The following NPAS3 variants were observed in gnomAD, a reference collection of about 807,000 sequenced individuals.
NPAS3 encodes neuronal PAS domain-containing protein 3.
Under a neutral mutation model 73.1 loss-of-function variants are expected in NPAS3, and 14 were observed. That is an observed-to-expected ratio of 0.19 (90% confidence interval 0.13 to 0.30). The LOEUF (loss-of-function observed/expected upper bound fraction) is 0.30, where lower values mean the gene tolerates loss of function less well. NPAS3 is among the 10% of genes least tolerant of loss of function. The probability of loss-of-function intolerance (pLI) is 1.00; values close to 1 mark genes in which losing one functional copy is unlikely to be tolerated. For synonymous variants in NPAS3, 620 were observed against 541.5 expected (o/e 1.14, Z -2.01); for missense variants, 1,096 against 1,250.0 (o/e 0.88, Z 1.86).
intron 6 of NPAS3, among the ~76,000 whole-genome samples, chr14:33,703,349 T>C (rs2060572994): frequency 6.6e-6 from 1 of 152,044 alleles, no homozygotes; most frequent in Non-Finnish European, 1.5e-5. Flanking sequence ...AAAACATTTT[T>C]CAGGCTTAGT....
chr14:33,295,001 C>T (rs1450579242), intron 3 of NPAS3, among the ~76,000 whole-genome samples: 4 of 152,124 alleles, frequency 2.6e-5, no homozygotes, highest in African/African-American at 9.7e-5. Flanking sequence ...TGGAGAGTGA[C>T]TTTTTAGGAC....
intron 4 of NPAS3, among the ~76,000 whole-genome samples, chr14:33,558,806 C>T (rs1193360206): frequency 6.7e-6 from 1 of 150,126 alleles, no homozygotes; most frequent in Non-Finnish European, 1.5e-5. Context: ...TTTCATACAC[C>T]TTGCTCCTAG....
chr14:33,389,190 A>G (rs536083666), intron 4 of NPAS3, among the ~76,000 whole-genome samples: 1 of 152,360 alleles, frequency 6.6e-6, no homozygotes, highest in Admixed American at 6.5e-5. Flanking sequence ...GTAAACGATC[A>G]TTATTAAATC....
chr14:33,134,740 A>G (rs2209502), intron 2 of NPAS3, among the ~76,000 whole-genome samples: 144,626 of 152,232 alleles, frequency 0.95, 68,813 homozygotes, highest in Non-Finnish European at 0.98. Context: ...GCTGTGGTGT[A>G]TTGCTGGTAT....
At chr14:33,708,295 T>G (rs1302617645) in intron 6 of NPAS3, among the ~76,000 whole-genome samples, 1 of 152,178 alleles carries the variant, frequency 6.6e-6, no homozygotes, top group African/African-American at 2.4e-5. Context: ...TTTAGAATCC[T>G]TTGAAGAAGT....
intron 1 of NPAS3, among the ~76,000 whole-genome samples, chr14:33,022,795 A>G (rs1436812382): frequency 6.6e-6 from 1 of 152,116 alleles, no homozygotes; most frequent in Non-Finnish European, 1.5e-5. Flanking sequence ...AAAAGGATAA[A>G]TAATATATTT....
chr14:33,749,487 A>G (rs1229014999), intron 7 of NPAS3, among the ~76,000 whole-genome samples: 6 of 152,176 alleles, frequency 3.9e-5, no homozygotes, highest in African/African-American at 1.4e-4. Context: ...ATAATTGTCA[A>G]ACTCCTCAAA....
chr14:33,229,367 G>A (rs182667697), intron 3 of NPAS3, among the ~76,000 whole-genome samples: 119 of 152,206 alleles, frequency 7.8e-4, no homozygotes, highest in African/African-American at 2.7e-3. Flanking sequence ...AAATCCCTTG[G>A]CATCTAAGAC....
chr14:33,395,153 A>T (rs2047167378), intron 4 of NPAS3, among the ~76,000 whole-genome samples: 1 of 152,158 alleles, frequency 6.6e-6, no homozygotes. Context: ...TACTAGAGAA[A>T]CTTCTTCAGA....
Position 33,078,763 on chromosome 14 carries a change from C to T in NPAS3, c.140+22769C>T, listed in dbSNP as rs1041476804. 5.3e-5 allele frequency among the ~76,000 whole-genome samples: 8 copies of T among 152,310 alleles called. 1 individual carries two copies. Among genetic ancestry groups the T allele is most frequent in the Admixed American group, 5.2e-4 (8 of 15,296 alleles). On this transcript the variant is annotated intron_variant, in intron 2 of 11. Coordinates refer to ENST00000356141, the Ensembl canonical transcript of NPAS3. ...GGAGAGCAAACTATTCTCAGTATTG[C>T]TTCCTTCCTGGCAGAATTCACATAG...
intron 2 of NPAS3, among the ~76,000 whole-genome samples, chr14:33,063,020 G>C (rs973931937): frequency 6.6e-6 from 1 of 152,162 alleles, no homozygotes; most frequent in African/African-American, 2.4e-5. Flanking sequence ...GTCATTGCTA[G>C]CGGTGGTTAA....
chr14:33,267,150 G>A (rs1291259509), intron 3 of NPAS3, among the ~76,000 whole-genome samples: 1 of 152,092 alleles, frequency 6.6e-6, no homozygotes, highest in Non-Finnish European at 1.5e-5. Flanking sequence ...TAAATTAAAT[G>A]CCACAATTCA....
chr14:33,235,802 A>ATTTTTTTTTT (rs1370210170), intron 3 of NPAS3, among the ~76,000 whole-genome samples: 3 of 65,894 alleles, frequency 4.6e-5, no homozygotes, highest in African/African-American at 1.0e-4. Flanking sequence ...TGTTGATACA[A>ATTTTTTTTTT]TTCTTTTTTT....
intron 6 of NPAS3, among the ~76,000 whole-genome samples, chr14:33,730,421 C>T (rs1044020087): frequency 6.6e-6 from 1 of 152,126 alleles, no homozygotes; most frequent in Non-Finnish European, 1.5e-5. Flanking sequence ...AAAAAACAGT[C>T]CCCAAATTAC....
rs145590631 is a variant in NPAS3 at position 33,757,726 on chromosome 14, A to G, written c.853-16611A>G. On this transcript the variant is annotated intron_variant, in intron 7 of 11. Transcript: ENST00000356141. Reference sequence around the variant, plus strand: ...GAGAAAGAGGATCAAGGATGAGCCAAGAGAAGTGATGCACTCCCCTTTTCT... The same window carrying G: ...GAGAAAGAGGATCAAGGATGAGCCAGGAGAAGTGATGCACTCCCCTTTTCT... Among the ~76,000 whole-genome samples, 688 of 152,352 alleles carry G rather than the reference A, an allele frequency of 4.5e-3. 6 individuals are homozygous for G. Among genetic ancestry groups the G allele is most frequent in the African/African-American group, 0.016 (657 of 41,586 alleles).
intron 2 of NPAS3, among the ~76,000 whole-genome samples, chr14:33,150,589 T>C (rs1390901893): frequency 6.6e-6 from 1 of 152,238 alleles, no homozygotes; most frequent in Non-Finnish European, 1.5e-5. Context: ...ATTCAATACG[T>C]AAAGTTATAA....
chr14:33,499,252 G>A (rs2052394881), intron 4 of NPAS3, among the ~76,000 whole-genome samples: 1 of 151,718 alleles, frequency 6.6e-6, no homozygotes, highest in Admixed American at 6.6e-5. Context: ...GAACCTTTTG[G>A]TTTAATGTTA....
rs550511367 is a variant in NPAS3 at position 32,963,145 on chromosome 14, C to A, written c.50+23779C>A. 3.3e-5 allele frequency among the ~76,000 whole-genome samples: 5 copies of A among 152,204 alleles called. No homozygotes were observed. In the South Asian group the frequency reaches 1.0e-3, roughly 32 times the overall value. The stretch of plus-strand genomic sequence containing the variant: ...AATAATTTAACGATAAAAACTATAT[C>A]TTCTGAGGCTAAATAACTTGCTCCA... On this transcript the variant is annotated intron_variant, in intron 1 of 11. Coordinates refer to ENST00000356141, the Ensembl canonical transcript of NPAS3.
chr14:33,025,502 C>G (rs375062670), intron 1 of NPAS3, among the ~76,000 whole-genome samples: 1 of 152,144 alleles, frequency 6.6e-6, no homozygotes, highest in South Asian at 2.1e-4. Context: ...TTGGTTAGAG[C>G]AAGTCTGCCA....
Sources: allele counts gnomAD v4.1 joint callset (sites outside exome capture counted in the v4.1 genomes callset), GRCh38; gene constraint gnomAD v4.1.1; transcripts MANE v1.5; gene names NCBI Gene and HGNC (gene_info 2026-07-23, HGNC 2026-07-21).